Variants in PACS2 observed in about 807,000 individuals in gnomAD.
The protein encoded by PACS2 is phosphofurin acidic cluster sorting protein 2, also known as PACS1-like protein.
In PACS2, 36 loss-of-function variants were observed where a neutral mutation model predicts 113.0. That is an observed-to-expected ratio of 0.32 (90% CI 0.24 to 0.42). The LOEUF is 0.42. Ranked by LOEUF, PACS2 falls within the 10% of genes least tolerant of loss-of-function variation. PACS2 has a pLI of 1.00. For synonymous variants in PACS2, 589 were observed against 536.1 expected (o/e 1.10, Z -1.36); for missense variants, 1,015 against 1,239.5 (o/e 0.82, Z 2.72).
intron 24 of PACS2, chr14:105,393,593 G>C: frequency 3.2e-6 from 1 of 309,154 alleles, no homozygotes; most frequent in Non-Finnish European, 5.9e-6. Context: ...TTTTGTTTTG[G>C]TTTTTTTTTT....
intron 1 of PACS2, among the ~76,000 whole-genome samples, chr14:105,338,002 G>A (rs587622211): frequency 6.6e-6 from 1 of 152,336 alleles, no homozygotes; most frequent in South Asian, 2.1e-4. Context: ...GTCTCCCAGA[G>A]AGCATACTGT....
intron 13 of PACS2, 26 bp from the exon 14 acceptor site, chr14:105,382,451 G>T (rs2081027722): frequency 1.5e-6 from 2 of 1,342,380 alleles, no homozygotes; most frequent in Non-Finnish European, 2.1e-6. Context: ...TCTCTTCTGG[G>T]TGTGGACAGG....
At position 105,376,806 on chromosome 14, in the gene PACS2, C is replaced by T. The variant is rs781899422; in HGVS notation, c.840C>T (p.Pro280=). The change falls in exon 9 of 25, where the codon CCC becomes CCT. Residue 280 remains proline, a synonymous_variant. Coordinates refer to ENST00000447393, the MANE Select transcript of PACS2 (RefSeq NM_001100913.3). This position sits in a 1 kb window ranked among gnomAD's most constrained non-coding sequence, Gnocchi z 4.7. ...AGCAGGACCCTGCGGAGCACATCCC[C>T]GAGGCAGAGGAGGACCTGGACCTCC... ...DSEQDPAEHI[P]EAEEDLDLLY... 205 of 1,613,180 alleles carry T rather than the reference C, an allele frequency of 1.3e-4. No individual in the cohort carries two copies. The South Asian group carries it at 1.8e-3, about 14-fold the overall frequency.
At chr14:105,341,089 G>A (rs955444859) in intron 1 of PACS2, among the ~76,000 whole-genome samples, 3 of 152,236 alleles carry the variant, frequency 2.0e-5, no homozygotes, top group South Asian at 2.1e-4. Flanking sequence ...GGGAAGAAAC[G>A]GGGCTGGCGG....
chr14:105,345,792 C>G (rs181969442), intron 1 of PACS2, among the ~76,000 whole-genome samples: 130 of 152,340 alleles, frequency 8.5e-4, no homozygotes, highest in Middle Eastern at 3.4e-3. Context: ...CTCTTAGTCT[C>G]TCTCCTCTGT....
At chr14:105,342,549 A>C (rs1424686744) in intron 1 of PACS2, among the ~76,000 whole-genome samples, 1 of 151,858 alleles carries the variant, frequency 6.6e-6, no homozygotes, top group Non-Finnish European at 1.5e-5. Flanking sequence ...GATTACAGGC[A>C]TGATTGTGCC....
At chr14:105,319,706 G>A (rs1355522919) in intron 1 of PACS2, among the ~76,000 whole-genome samples, 1 of 152,166 alleles carries the variant, frequency 6.6e-6, no homozygotes, top group Non-Finnish European at 1.5e-5. Flanking sequence ...ATAGTACAGT[G>A]TTGAATATGG....
rs1206720330 is a variant in PACS2, at chr14:105,391,691, C to T, written c.2180C>T (p.Ala727Val). Residue 727 changes from alanine (A) to valine (V), a missense_variant, in exon 22 of 25, where the codon GCA becomes GTA. Around this residue, in one of 3 missense-constraint regions of PACS2, gnomAD observed 859 missense variants for 1,056.8 expected, o/e 0.81. Transcript: ENST00000447393. ...ACGCTCTCCTCCACCCCGCCGTCCGCATCTCCTGCGGCCAAGGAGGCCTCA... is the reference window on the plus strand; with the variant it reads ...ACGCTCTCCTCCACCCCGCCGTCCGTATCTCCTGCGGCCAAGGAGGCCTCA... Reference protein sequence around the residue: ...SGTLSSTPPSASPAAKEASPT... With the variant: ...SGTLSSTPPSVSPAAKEASPT... 5 of 1,607,736 alleles carry T rather than the reference C, an allele frequency of 3.1e-6. No homozygotes were observed. Among genetic ancestry groups the T allele is most frequent in the Non-Finnish European group, 4.2e-6 (5 of 1,178,030 alleles).
intron 24 of PACS2, chr14:105,394,271 G>A: frequency 1.0e-6 from 1 of 985,252 alleles, no homozygotes; most frequent in Non-Finnish European, 1.2e-6. Context: ...GAAGGTGGTG[G>A]GGTCTGCTCC....
Position 105,385,721 on chromosome 14 carries a change from C to T in PACS2, c.2033+4C>T, listed in dbSNP as rs1217390615. On this transcript the variant is annotated splice_donor_region_variant and intron_variant, in intron 19 of 24. Transcript: ENST00000447393. ...TTCATTTTGACTTTACCCTAAGGTA[C>T]GGCTCTGTGGGTCTGCCTCCCACCC... is the stretch of plus-strand genomic sequence containing the variant. 1.5e-5 allele frequency: 22 copies of T among 1,507,910 alleles called. No homozygotes were observed. Among genetic ancestry groups the T allele is most frequent in the Middle Eastern group, 3.4e-4 (2 of 5,898 alleles). The allele number at this position is 1,507,910 out of a possible 1,614,324, so 93.4% of individuals were successfully genotyped here.
intron 2 of PACS2, among the ~76,000 whole-genome samples, 156 bp from the exon 3 acceptor site, chr14:105,352,222 G>C (rs1168072110): frequency 1.3e-5 from 2 of 152,130 alleles, no homozygotes; most frequent in Non-Finnish European, 2.9e-5. Flanking sequence ...AAAGATGCCA[G>C]GGCACCTCTG....
intron 15 of PACS2, 32 bp downstream of exon 15, chr14:105,382,945 C>A: frequency 1.5e-6 from 2 of 1,316,434 alleles, no homozygotes; most frequent in South Asian, 1.2e-5. Flanking sequence ...ACTCACCACC[C>A]AAGTACCCCT....
At position 105,366,468 on chromosome 14, in the gene PACS2, TGTC is replaced by T. The variant is rs2060945467; in HGVS notation, c.424-741_424-739del. 2.0e-5 allele frequency among the ~76,000 whole-genome samples: 3 copies of T among 152,224 alleles called. No homozygotes were observed. The highest frequency in any genetic ancestry group is 2.1e-4 in the South Asian group (1 of 4,828). On this transcript the variant is annotated intron_variant, in intron 4 of 24. Coordinates refer to ENST00000447393, the MANE Select transcript of PACS2 (RefSeq NM_001100913.3). The surrounding 1 kb of genome is among the most constrained non-coding windows in gnomAD (Gnocchi z 4.3). Reference sequence around the variant, plus strand: ...CCCAAGGCTGTGAGTGTCTGAGAGTTGTCGTCATGGCGTGTGGTTCTGAGGCTG... The same window carrying T: ...CCCAAGGCTGTGAGTGTCTGAGAGTTGTCATGGCGTGTGGTTCTGAGGCTG...
intron 4 of PACS2, 124 bp from the exon 5 acceptor site, chr14:105,367,089 C>A: frequency 1.2e-6 from 1 of 844,394 alleles, no homozygotes; most frequent in South Asian, 1.7e-5. Context: ...TGTGGCTGCC[C>A]TGCTGAGGGT....
At chr14:105,316,867 AGTTAATGGGCGGAGG>A (rs2058673623) in intron 1 of PACS2, among the ~76,000 whole-genome samples, 1 of 123,814 alleles carries the variant, frequency 8.1e-6, no homozygotes, top group African/African-American at 6.6e-5. Flanking sequence ...GTTGGTGTGG[AGTTAATGGGCGGAGG>A]AGTTAATGGG....
At chr14:105,389,641 G>C in intron 19 of PACS2, 1 of 395,230 alleles carries the variant, frequency 2.5e-6, no homozygotes, top group South Asian at 3.1e-5. Context: ...CGGGCACCTA[G>C]GATGGCAGAG....
chr14:105,383,387 C>T lies in PACS2; in HGVS notation c.1654C>T (p.Pro552Ser). Residue 552 changes from proline (P) to serine (S), a missense_variant, in exon 16 of 25, where the codon CCC (proline) becomes TCC (serine). Coordinates refer to ENST00000447393, the MANE Select transcript of PACS2 (RefSeq NM_001100913.3). Reference sequence around the variant, plus strand: ...CAACTGCAATTCCCAGCCCCCGACCCCCGTGAAGATCGCCGTGGCGGGAGC... The same window carrying T: ...CAACTGCAATTCCCAGCCCCCGACCTCCGTGAAGATCGCCGTGGCGGGAGC... ...YCNCNSQPPT[P>S]VKIAVAGAQH... The T allele has an allele frequency of 6.2e-7, 1 of 1,608,904 alleles. No individual in the cohort carries two copies. Among genetic ancestry groups the T allele is most frequent in the Non-Finnish European group, 8.5e-7 (1 of 1,179,956 alleles).
rs967679821 is a variant in PACS2 at position 105,355,205 on chromosome 14, G to A, written c.423+28G>A. 19 of 1,603,692 alleles carry A rather than the reference G, an allele frequency of 1.2e-5. No homozygotes were observed. The highest frequency in any genetic ancestry group is 4.0e-5 in the African/African-American group (3 of 74,568). On this transcript the variant is annotated intron_variant, in intron 4 of 24. Coordinates refer to ENST00000447393, the MANE Select transcript of PACS2 (RefSeq NM_001100913.3). This position sits in a 1 kb window ranked among gnomAD's most constrained non-coding sequence, Gnocchi z 4.1. The stretch of plus-strand genomic sequence containing the variant: ...GAGTGCTCCGTCTGGCGTGGCCTGC[G>A]TCGGGCTGGCCACCTGGGTGCCAGA...
chr14:105,331,968 G>C (rs903748325), intron 1 of PACS2, among the ~76,000 whole-genome samples: 2 of 152,210 alleles, frequency 1.3e-5, no homozygotes, highest in Non-Finnish European at 2.9e-5. Flanking sequence ...TCTGGCCTCT[G>C]TTGTGGTTTT....
Sources: allele counts gnomAD v4.1 joint callset (sites outside exome capture counted in the v4.1 genomes callset), GRCh38; gene constraint gnomAD v4.1.1; regional missense constraint gnomAD v4.1.1; non-coding constraint Gnocchi (gnomAD v3.1); transcripts MANE v1.5; gene names NCBI Gene and HGNC (gene_info 2026-07-23, HGNC 2026-07-21).